The following SAMD12 variants were observed in gnomAD, a reference collection of about 807,000 sequenced individuals.
SAMD12 encodes sterile alpha motif domain-containing protein 12.
A neutral mutation model predicts 15.0 loss-of-function variants in SAMD12; 9 were observed. The observed-to-expected ratio is 0.60, with a 90% CI of 0.36 to 1.05. The LOEUF (loss-of-function observed/expected upper bound fraction) is 1.05. SAMD12 is among the 50% of genes least tolerant of loss of function. The probability of loss-of-function intolerance (pLI) is 0.01; values close to 1 mark genes in which losing one functional copy is unlikely to be tolerated. For synonymous variants in SAMD12, 86 were observed against 90.1 expected (o/e 0.96, Z 0.25); for missense variants, 230 against 234.2 (o/e 0.98, Z 0.12).
chr8:118,599,633 T>C (rs1827809127), intron 1 of SAMD12, among the ~76,000 whole-genome samples: 1 of 152,186 alleles, frequency 6.6e-6, no homozygotes, highest in Non-Finnish European at 1.5e-5. Flanking sequence ...GTCTTTATGG[T>C]TCAGGTGGGA....
At chr8:118,250,672 A>ATT in intron 4 of SAMD12, among the ~76,000 whole-genome samples, 1 of 151,596 alleles carries the variant, frequency 6.6e-6, no homozygotes, top group African/African-American at 2.4e-5. Context: ...TTTTTTATTT[A>ATT]TTTATTTTTT....
chr8:118,318,324 A>G (rs1005054126), intron 4 of SAMD12, among the ~76,000 whole-genome samples: 5,252 of 31,030 alleles, frequency 0.17, 340 homozygotes, highest in Admixed American at 0.38. Context: ...ATATATATAT[A>G]TATATATATA....
At chr8:118,186,378 C>A (rs1216601716), downstream of SAMD12, among the ~76,000 whole-genome samples, 1 of 152,152 alleles carries the variant, frequency 6.6e-6, no homozygotes, top group African/African-American at 2.4e-5. Context: ...TCATTCATTT[C>A]TGAATCAACA....
At chr8:118,200,741 A>AC (rs1586336073) in intron 4 of SAMD12, among the ~76,000 whole-genome samples, 1 of 152,166 alleles carries the variant, frequency 6.6e-6, no homozygotes, top group East Asian at 1.9e-4. Flanking sequence ...TTATGGGAGG[A>AC]CAAGAGGTCC....
intron 4 of SAMD12, among the ~76,000 whole-genome samples, chr8:118,277,388 C>T (rs111562915): frequency 0.01 from 1,524 of 152,200 alleles, 30 homozygotes; most frequent in African/African-American, 0.035. Flanking sequence ...TCATAGTCAT[C>T]GTATCTATGG....
At chr8:118,450,346 C>T (rs992722105) in intron 2 of SAMD12, among the ~76,000 whole-genome samples, 5 of 152,186 alleles carry the variant, frequency 3.3e-5, no homozygotes, top group Admixed American at 2.0e-4. Flanking sequence ...CCAGAATGCA[C>T]AGCCTGTCAA....
intron 3 of SAMD12, among the ~76,000 whole-genome samples, chr8:118,431,150 C>G (rs1284216878): frequency 6.6e-6 from 1 of 152,122 alleles, no homozygotes; most frequent in East Asian, 1.9e-4. Context: ...TTGCAGGTAC[C>G]TTATAACAAA....
intron 2 of SAMD12, among the ~76,000 whole-genome samples, chr8:118,534,879 T>C (rs946019243): frequency 2.0e-5 from 3 of 152,216 alleles, no homozygotes; most frequent in Admixed American, 2.0e-4. Context: ...TTCTTTGTGA[T>C]GGGTTCGAAC....
chr8:118,557,772 C>T (rs1184494926), intron 2 of SAMD12, among the ~76,000 whole-genome samples: 1 of 152,186 alleles, frequency 6.6e-6, no homozygotes, highest in East Asian at 1.9e-4. Context: ...CCATATTACC[C>T]TGCCTCTAGA....
chr8:118,150,088 T>A, the SAMD12 span, among the ~76,000 whole-genome samples: 1 of 152,208 alleles, frequency 6.6e-6, no homozygotes, highest in African/African-American at 2.4e-5. Context: ...GAGGTGCTAC[T>A]GCGATATGGT....
intron 2 of SAMD12, among the ~76,000 whole-genome samples, chr8:118,477,676 T>C (rs1428009563): frequency 3.9e-5 from 6 of 152,238 alleles, no homozygotes; most frequent in Admixed American, 1.3e-4. Context: ...CAGGGACTTA[T>C]TCCCACGTGG....
intron 4 of SAMD12, among the ~76,000 whole-genome samples, chr8:118,221,393 T>A (rs758108935): frequency 6.6e-6 from 1 of 152,168 alleles, no homozygotes; most frequent in Non-Finnish European, 1.5e-5. Flanking sequence ...GCCTGAAGCG[T>A]GAGTAGGCTA....
At chr8:118,176,819 A>T in the SAMD12 span, among the ~76,000 whole-genome samples, 1 of 152,116 alleles carries the variant, frequency 6.6e-6, no homozygotes, top group African/African-American at 2.4e-5. Context: ...AAAAAAAACC[A>T]CTATTGTAGT....
the SAMD12 span, among the ~76,000 whole-genome samples, chr8:118,179,007 AG>A: frequency 6.6e-6 from 1 of 152,142 alleles, no homozygotes; most frequent in African/African-American, 2.4e-5. Context: ...GCTTCTGCCC[AG>A]GGGGTTGGGT....
chr8:118,613,007 C>A (rs1314111333), intron 1 of SAMD12, among the ~76,000 whole-genome samples: 1 of 152,130 alleles, frequency 6.6e-6, no homozygotes, highest in African/African-American at 2.4e-5. Flanking sequence ...AGGCAAAAGT[C>A]TAGGGACAGA....
chr8:118,547,423 G>A (rs1826163388), intron 2 of SAMD12, among the ~76,000 whole-genome samples: 1 of 152,058 alleles, frequency 6.6e-6, no homozygotes. Flanking sequence ...TTCTCTTACT[G>A]TAGATAAAGT....
intron 4 of SAMD12, among the ~76,000 whole-genome samples, chr8:118,298,072 A>G (rs1171223899): frequency 3.4e-5 from 1 of 29,732 alleles, no homozygotes; most frequent in Non-Finnish European, 5.9e-5. Context: ...GTGTGGTCAC[A>G]CCTACCTGGT....
intron 2 of SAMD12, among the ~76,000 whole-genome samples, chr8:118,558,126 C>T (rs558806921): frequency 4.6e-5 from 7 of 152,238 alleles, no homozygotes; most frequent in South Asian, 2.1e-4. Context: ...AGTATATCTA[C>T]GCAAGTGGGA....
chr8:118,374,058 G>C (rs1819250975), downstream of SAMD12, among the ~76,000 whole-genome samples: 1 of 151,980 alleles, frequency 6.6e-6, no homozygotes, highest in Admixed American at 6.6e-5. Flanking sequence ...GCACAGTTCA[G>C]TCATATTAAG....
Sources: gnomAD v4.1 joint callset for allele counts (sites outside exome capture counted in the v4.1 genomes callset) on GRCh38, gnomAD v4.1.1 for gene constraint, MANE v1.5 for transcripts, NCBI Gene and HGNC (gene_info 2026-07-23, HGNC 2026-07-21) for gene names.